Variants in CFAP57 observed in about 807,000 individuals in gnomAD.
CFAP57 encodes the protein cilia- and flagella-associated protein 57.
CFAP57 carries 116 observed loss-of-function variants against 146.8 expected under a neutral mutation model. The observed-to-expected ratio is 0.79, with a 90% CI of 0.68 to 0.92. The LOEUF (loss-of-function observed/expected upper bound fraction) is 0.92. Among genes scored for constraint, CFAP57 ranks in the 40% least tolerant of loss-of-function variants. The pLI is 0.00. For synonymous variants in CFAP57, 518 were observed against 552.8 expected (o/e 0.94, Z 0.88); for missense variants, 1,377 against 1,527.2 (o/e 0.90, Z 1.64).
Position 43,198,499 on chromosome 1 carries a change from G to C in CFAP57, c.1281G>C (p.Lys427Asn), listed in dbSNP as rs144486471. The C allele has an allele frequency of 1.5e-5, 25 of 1,613,880 alleles. No homozygotes were observed. The highest frequency in any genetic ancestry group is 1.6e-4 in the Middle Eastern group (1 of 6,084). ...NYETNTLELFKEYQEEAYSIS... is the reference protein window; with the variant it reads ...NYETNTLELFNEYQEEAYSIS... Reference sequence around the variant, plus strand: ...TTCACAGCACCCTGGAACTATTTAAGGAATACCAAGAAGAGGCATATTCCA... The same window carrying C: ...TTCACAGCACCCTGGAACTATTTAACGAATACCAAGAAGAGGCATATTCCA... Residue 427 changes from lysine to asparagine, a missense_variant, in exon 8 of 23, where the codon AAG becomes AAC. By Grantham distance (94) the Lys-to-Asn change is moderately conservative. Coordinates refer to ENST00000372492, the MANE Select transcript of CFAP57 (RefSeq NM_001378189.1).
intron 18 of CFAP57, among the ~76,000 whole-genome samples, chr1:43,231,400 C>G (rs1247412043): frequency 1.3e-5 from 2 of 152,092 alleles, no homozygotes; most frequent in African/African-American, 4.8e-5. Flanking sequence ...GTCAGCAAAC[C>G]TCCCTCTTAT....
At chr1:43,192,380 G>T (rs1372515426) in intron 6 of CFAP57, among the ~76,000 whole-genome samples, 2 of 152,212 alleles carry the variant, frequency 1.3e-5, no homozygotes, top group East Asian at 1.9e-4. Context: ...CCAGCACTTC[G>T]GGAGGCCAAG....
At chr1:43,213,870 A>G (rs1308951733) in intron 11 of CFAP57, among the ~76,000 whole-genome samples, 2 of 144,134 alleles carry the variant, frequency 1.4e-5, no homozygotes, top group Non-Finnish European at 3.0e-5. Flanking sequence ...AGAAATGTCT[A>G]TTCATGTCCT....
rs1474601395 is a variant in CFAP57 at position 43,199,349 on chromosome 1, C to A, written c.1429-41C>A. 5 of 1,586,830 alleles carry A rather than the reference C, an allele frequency of 3.2e-6. No individual in the cohort carries two copies. In the African/African-American group the frequency reaches 6.7e-5, roughly 21 times the overall value. On this transcript the variant is annotated intron_variant, in intron 8 of 22. Coordinates refer to ENST00000372492, the MANE Select transcript of CFAP57 (RefSeq NM_001378189.1). Reference sequence around the variant, plus strand: ...GACTGTAACCTCTAATTAGACTGCTCACTTCCTGCTTGCTTGCTCTCTTGC... The same window carrying A: ...GACTGTAACCTCTAATTAGACTGCTAACTTCCTGCTTGCTTGCTCTCTTGC...
Position 43,219,512 on chromosome 1 carries a change from T to C in CFAP57, c.2222T>C (p.Met741Thr). The change falls in exon 13 of 23, where the codon ATG becomes ACG. Residue 741 changes from methionine (M) to threonine (T), a missense_variant. Met to Thr is a moderately conservative substitution (Grantham distance 81). Transcript: ENST00000372492. The stretch of plus-strand genomic sequence containing the variant: ...CTAACAGACAAGTTCATCCAGGAAA[T>C]GGAGTCCTTGAAAACAAAAAACCAG... ...KELTDKFIQEMESLKTKNQVL... is the reference protein window; with the variant it reads ...KELTDKFIQETESLKTKNQVL... The C allele has an allele frequency of 6.4e-7, 1 of 1,550,502 alleles. No individual in the cohort carries two copies. Among genetic ancestry groups the C allele is most frequent in the Non-Finnish European group, 8.7e-7 (1 of 1,146,976 alleles).
chr1:43,221,634 T>G lies in CFAP57; in HGVS notation c.2341+169T>G, dbSNP rs554469506. The stretch of plus-strand genomic sequence containing the variant: ...ACTGTGGTTTTCACTTCTGTGTTTT[T>G]ACTCATTCACTAAGCACATTAAACA... On this transcript the variant is annotated intron_variant, in intron 14 of 22. Coordinates refer to ENST00000372492, the MANE Select transcript of CFAP57 (RefSeq NM_001378189.1). 7.2e-5 allele frequency among the ~76,000 whole-genome samples: 11 copies of G among 152,328 alleles called. No homozygotes were observed. In the South Asian group the frequency reaches 2.3e-3, roughly 32 times the overall value.
At chr1:43,214,226 T>C (rs1197571370) in intron 11 of CFAP57, among the ~76,000 whole-genome samples, 1 of 152,162 alleles carries the variant, frequency 6.6e-6, no homozygotes, top group African/African-American at 2.4e-5. Context: ...TTTTTTTGTT[T>C]GTTTAATGTT....
intron 10 of CFAP57, among the ~76,000 whole-genome samples, chr1:43,208,559 C>G (rs1169341762): frequency 1.3e-5 from 2 of 152,172 alleles, no homozygotes; most frequent in African/African-American, 2.4e-5. Context: ...AAACGAAACA[C>G]CGCATATTCT....
chr1:43,205,677 C>T (rs1644329521), intron 9 of CFAP57, among the ~76,000 whole-genome samples: 2 of 152,112 alleles, frequency 1.3e-5, no homozygotes, highest in African/African-American at 4.8e-5. Context: ...GAGTCTGAGC[C>T]CTCTTGGCCA....
intron 11 of CFAP57, among the ~76,000 whole-genome samples, chr1:43,213,818 A>G (rs1644726419): frequency 6.7e-6 from 1 of 148,376 alleles, no homozygotes; most frequent in African/African-American, 2.5e-5. Context: ...GATGTTGAGC[A>G]TTTTTTCATA....
Position 43,209,732 on chromosome 1 carries a change from C to T in CFAP57, c.1756-11C>T. 1 of 1,613,172 alleles carries T rather than the reference C, an allele frequency of 6.2e-7. No homozygotes were observed. Among genetic ancestry groups the T allele is most frequent in the Non-Finnish European group, 8.5e-7 (1 of 1,179,560 alleles). On this transcript the variant is annotated splice_polypyrimidine_tract_variant and intron_variant, in intron 10 of 22. Coordinates refer to ENST00000372492, the MANE Select transcript of CFAP57 (RefSeq NM_001378189.1). ...GACCCCTCACACTGAGCAGAGCTGC[C>T]TGTGTCTCAGATCCTTCGAGAGATA...
rs1644523135 is a variant in CFAP57 at position 43,209,887 on chromosome 1, T to C, written c.1900T>C (p.Tyr634His). The C allele has an allele frequency of 1.2e-6, 2 of 1,614,116 alleles. No individual in the cohort carries two copies. The highest frequency in any genetic ancestry group is 1.7e-6 in the Non-Finnish European group (2 of 1,180,052). ...PLPLQKEFNEYQAHAGPITKM... is the reference protein window; with the variant it reads ...PLPLQKEFNEHQAHAGPITKM... ...GCCTCTGCAGAAGGAATTCAATGAG[T>C]ACCAGGCCCATGCCGGTCCTATCAC... The change falls in exon 11 of 23, where the codon TAC becomes CAC. Residue 634 changes from tyrosine (Y) to histidine (H), a missense_variant. By Grantham distance (83) the Tyr-to-His change is moderately conservative. Coordinates refer to ENST00000372492, the MANE Select transcript of CFAP57 (RefSeq NM_001378189.1).
intron 15 of CFAP57, 126 bp downstream of exon 15, chr1:43,222,421 C>A: frequency 7.4e-6 from 6 of 810,932 alleles, no homozygotes; most frequent in Non-Finnish European, 1.0e-5. Context: ...TGGTTTCTAC[C>A]CCCAAGGAAC....
chr1:43,253,186 G>A (rs1646364814), intron 22 of CFAP57, among the ~76,000 whole-genome samples: 1 of 152,152 alleles, frequency 6.6e-6, no homozygotes, highest in Non-Finnish European at 1.5e-5. Context: ...GGTCTAGCTG[G>A]CCAGAAAAGG....
intron 6 of CFAP57, among the ~76,000 whole-genome samples, chr1:43,190,217 T>A (rs4612667): frequency 0.18 from 26,752 of 150,596 alleles, 3,489 homozygotes; most frequent in African/African-American, 0.34. Flanking sequence ...CAGTGATGAG[T>A]GCAGATCCTT....
In CFAP57 at chr1:43,206,807, G is replaced by A; in HGVS notation, c.1630G>A (p.Gly544Arg). The A allele has an allele frequency of 6.2e-7, 1 of 1,614,170 alleles. No individual in the cohort carries two copies. Among genetic ancestry groups the A allele is most frequent in the Non-Finnish European group, 8.5e-7 (1 of 1,180,026 alleles). Residue 544 changes from glycine to arginine, a missense_variant, in exon 10 of 23, where the codon GGA (glycine) becomes AGA (arginine). Physicochemically the swap from Gly to Arg is moderately radical, Grantham distance 125 (BLOSUM62 -2). Coordinates refer to ENST00000372492, the MANE Select transcript of CFAP57 (RefSeq NM_001378189.1). ...GAVYEWNLST[G>R]KRETECVLKS... ...TGTGTATGAATGGAATCTGTCCACA[G>A]GAAAGAGAGAGACAGAATGCGTGCT... is the stretch of plus-strand genomic sequence containing the variant.
At chr1:43,214,010 C>T (rs1165856265) in intron 11 of CFAP57, among the ~76,000 whole-genome samples, 1 of 151,872 alleles carries the variant, frequency 6.6e-6, no homozygotes, top group Non-Finnish European at 1.5e-5. Flanking sequence ...CCTCAGCCTC[C>T]CGAGTAGCTG....
At chr1:43,222,754 C>G (rs1037997783) in intron 15 of CFAP57, 70 bp from the exon 16 acceptor site, 2 of 1,455,292 alleles carry the variant, frequency 1.4e-6, no homozygotes, top group Non-Finnish European at 1.8e-6. Context: ...CATCTCACCT[C>G]AAGCCCTGTT....
At chr1:43,230,357 C>T (rs868169005) in intron 18 of CFAP57, among the ~76,000 whole-genome samples, 2 of 152,196 alleles carry the variant, frequency 1.3e-5, no homozygotes, top group African/African-American at 2.4e-5. Flanking sequence ...GCCTGGCCCC[C>T]GTCTTGCTCT....
Sources: gnomAD v4.1 joint callset for allele counts (sites outside exome capture counted in the v4.1 genomes callset) on GRCh38, gnomAD v4.1.1 for gene constraint, MANE v1.5 for transcripts, NCBI Gene and HGNC (gene_info 2026-07-23, HGNC 2026-07-21) for gene names.